Variants in ZHX2 observed in about 807,000 individuals in gnomAD.
ZHX2 encodes zinc fingers and homeoboxes 2.
ZHX2 carries 6 observed loss-of-function variants against 21.9 expected under a neutral mutation model. The ratio of observed to expected loss-of-function variants is 0.27; its 90% confidence interval spans 0.15 to 0.54. The LOEUF is 0.54. Among genes scored for constraint, ZHX2 ranks in the 20% least tolerant of loss-of-function variants. The pLI is 0.95. For synonymous variants in ZHX2, 434 were observed against 437.1 expected (o/e 0.99, Z 0.09); for missense variants, 908 against 1,090.7 (o/e 0.83, Z 2.36).
chr8:122,951,550 C>T lies in ZHX2; in HGVS notation c.40C>T (p.Arg14Trp), dbSNP rs754555047. The change falls in exon 3 of 4, where the codon CGG becomes TGG. Residue 14 changes from arginine (R) to tryptophan (W), a missense_variant. By Grantham distance (101) the Arg-to-Trp change is moderately radical (BLOSUM62 -3). This residue lies in a region of ZHX2 where 25 missense variants were observed against 48.9 expected (regional missense o/e 0.51). Transcript: ENST00000314393. ...AAAATCTACAACTCCATGCATGGTT[C>T]GGACATCACAAGTAGTAGAACAAGA... Reference protein sequence around the residue: ...KRKSTTPCMVRTSQVVEQDVP... With the variant: ...KRKSTTPCMVWTSQVVEQDVP... The T allele has an allele frequency of 4.0e-5, 65 of 1,613,304 alleles. No individual in the cohort carries two copies. Among genetic ancestry groups the T allele is most frequent in the South Asian group, 1.1e-5 (1 of 90,888 alleles).
At chr8:122,827,146 A>C (rs1394162878) in intron 1 of ZHX2, among the ~76,000 whole-genome samples, 1 of 152,126 alleles carries the variant, frequency 6.6e-6, no homozygotes, top group East Asian at 1.9e-4. Flanking sequence ...CAGCCACCCA[A>C]GTAGCTGTGA....
chr8:122,883,868 T>C (rs750625751), intron 2 of ZHX2, among the ~76,000 whole-genome samples: 10 of 152,228 alleles, frequency 6.6e-5, no homozygotes, highest in Non-Finnish European at 1.0e-4. Flanking sequence ...ATGACGTAAA[T>C]TGAGGTAGCT....
At chr8:122,892,723 C>A (rs58078566) in intron 2 of ZHX2, among the ~76,000 whole-genome samples, 1 of 151,994 alleles carries the variant, frequency 6.6e-6, no homozygotes, top group African/African-American at 2.4e-5. Flanking sequence ...CTCGCACTGT[C>A]GCCTGGGCTG....
intron 2 of ZHX2, among the ~76,000 whole-genome samples, chr8:122,893,051 CTT>C (rs1820018426): frequency 6.6e-6 from 1 of 152,186 alleles, no homozygotes; most frequent in African/African-American, 2.4e-5. Context: ...CTGGGGAAAA[CTT>C]TATTTCTCCT....
At chr8:122,958,205 G>T (rs1275898561) in intron 3 of ZHX2, among the ~76,000 whole-genome samples, 2 of 152,174 alleles carry the variant, frequency 1.3e-5, no homozygotes, top group Non-Finnish European at 2.9e-5. Flanking sequence ...GCTTAGGACA[G>T]CATTTGACTC....
chr8:122,911,755 C>CA (rs1820486348), intron 2 of ZHX2, among the ~76,000 whole-genome samples: 1 of 152,136 alleles, frequency 6.6e-6, no homozygotes, highest in Non-Finnish European at 1.5e-5. Flanking sequence ...GCAGGAAAAA[C>CA]ACACAGAGCT....
intron 1 of ZHX2, among the ~76,000 whole-genome samples, chr8:122,841,464 TCCTGCCTC>T (rs1563750085): frequency 8.6e-5 from 13 of 151,660 alleles, no homozygotes; most frequent in Admixed American, 3.9e-4. Context: ...AAAACCCACC[TCCTGCCTC>T]ACAGTAGGGA....
At chr8:122,893,257 C>G (rs1820024503) in intron 2 of ZHX2, among the ~76,000 whole-genome samples, 2 of 152,050 alleles carry the variant, frequency 1.3e-5, no homozygotes, top group Admixed American at 1.3e-4. Context: ...AATTCTTTGT[C>G]TTTGACATTT....
chr8:122,857,798 G>A (rs2130761851), intron 1 of ZHX2, among the ~76,000 whole-genome samples: 1 of 152,296 alleles, frequency 6.6e-6, no homozygotes, highest in South Asian at 2.1e-4. Flanking sequence ...ACCATCTGTA[G>A]AATGGGTATG....
chr8:122,916,094 G>A (rs911083478), intron 2 of ZHX2, among the ~76,000 whole-genome samples: 1 of 152,366 alleles, frequency 6.6e-6, no homozygotes, highest in Middle Eastern at 3.4e-3. Context: ...CTGCCTTGAA[G>A]TGCAAATGGC....
At position 122,841,754 on chromosome 8, in the gene ZHX2, C is replaced by T. The variant is rs145301829; in HGVS notation, c.-282-21723C>T. 5.8e-3 allele frequency among the ~76,000 whole-genome samples: 880 copies of T among 152,230 alleles called. 4 individuals carry two copies. Among genetic ancestry groups the T allele is most frequent in the Non-Finnish European group, 9.2e-3 (629 of 68,010 alleles). ...GCTTTTGTGGAGCTGATTGACAGCTCGGAAAGCCTCTTCATGTATGTGATT... is the reference window on the plus strand; with the variant it reads ...GCTTTTGTGGAGCTGATTGACAGCTTGGAAAGCCTCTTCATGTATGTGATT... On this transcript the variant is annotated intron_variant, in intron 1 of 3. Coordinates refer to ENST00000314393, the MANE Select transcript of ZHX2 (RefSeq NM_014943.5).
Position 122,953,815 on chromosome 8 carries a change from T to C in ZHX2, c.2305T>C (p.Ser769Pro). The C allele has an allele frequency of 6.2e-7, 1 of 1,614,154 alleles. No individual in the cohort carries two copies. Among genetic ancestry groups the C allele is most frequent in the Non-Finnish European group, 8.5e-7 (1 of 1,180,018 alleles). ...GCCAGCAAAGCCCTCAGAGGCCACCTCAGACCGGTCAGAGGGCAGCAGCCG... is the reference window on the plus strand; with the variant it reads ...GCCAGCAAAGCCCTCAGAGGCCACCCCAGACCGGTCAGAGGGCAGCAGCCG... ...CLPAKPSEAT[S>P]DRSEGSSRDG... is the part of the protein sequence containing the mutation. The change falls in exon 3 of 4, where the codon TCA becomes CCA. Residue 769 changes from serine to proline, a missense_variant. Ser to Pro is a moderately conservative substitution (Grantham distance 74). Around this residue, in one of 4 missense-constraint regions of ZHX2, gnomAD observed 431 missense variants for 428.6 expected, o/e 1.01. Transcript: ENST00000314393. This position sits in a 1 kb window ranked among gnomAD's most constrained non-coding sequence, Gnocchi z 4.6.
At chr8:122,963,502 C>T (rs1422628844) in intron 3 of ZHX2, among the ~76,000 whole-genome samples, 1 of 152,154 alleles carries the variant, frequency 6.6e-6, no homozygotes, top group African/African-American at 2.4e-5. Flanking sequence ...TATACCAGTA[C>T]TATGCTGTTT....
intron 2 of ZHX2, among the ~76,000 whole-genome samples, chr8:122,927,568 G>A (rs1351280452): frequency 6.6e-6 from 1 of 152,142 alleles, no homozygotes; most frequent in African/African-American, 2.4e-5. Flanking sequence ...CACATGGCTG[G>A]GGAGACCTCA....
chr8:122,957,058 C>T (rs1423330407), intron 3 of ZHX2, among the ~76,000 whole-genome samples: 1 of 152,092 alleles, frequency 6.6e-6, no homozygotes, highest in Non-Finnish European at 1.5e-5. Context: ...TAGCAGAGGT[C>T]GAGGTAGGTT....
chr8:122,951,475 C>A lies in ZHX2; in HGVS notation c.-36C>A, dbSNP rs747105183. ...AATCTCACCGCCCCCTCCTTATCCC[C>A]CTCCAAAAATAAGCCATTGCACACA... is the stretch of plus-strand genomic sequence containing the variant. On this transcript the variant is annotated 5_prime_UTR_variant, in exon 3 of 4. Transcript: ENST00000314393. The A allele has an allele frequency of 5.1e-6, 8 of 1,566,744 alleles. No homozygotes were observed. The highest frequency in any genetic ancestry group is 1.4e-5 in the African/African-American group (1 of 73,840).
chr8:122,785,782 G>A (rs1817382945), intron 1 of ZHX2, among the ~76,000 whole-genome samples: 1 of 152,202 alleles, frequency 6.6e-6, no homozygotes, highest in Non-Finnish European at 1.5e-5. Flanking sequence ...ACCCTGGGGA[G>A]GTGGAGAGGG....
At chr8:122,905,445 G>A (rs1029809561) in intron 2 of ZHX2, among the ~76,000 whole-genome samples, 2 of 152,126 alleles carry the variant, frequency 1.3e-5, no homozygotes, top group African/African-American at 4.8e-5. Flanking sequence ...GGAATGAAGG[G>A]GTAGTCAAGA....
chr8:122,789,244 T>G (rs989107990), intron 1 of ZHX2, among the ~76,000 whole-genome samples: 2 of 152,238 alleles, frequency 1.3e-5, no homozygotes, highest in Admixed American at 1.3e-4. Context: ...CGTCTGCCTA[T>G]GGCTCTCCCC....
Sources: gnomAD v4.1 joint callset for allele counts (sites outside exome capture counted in the v4.1 genomes callset) on GRCh38, gnomAD v4.1.1 for gene constraint, gnomAD v4.1.1 regional missense constraint, Gnocchi (gnomAD v3.1) non-coding constraint, MANE v1.5 for transcripts, NCBI Gene and HGNC (gene_info 2026-07-23, HGNC 2026-07-21) for gene names.